Variants in PLEKHA7 observed in about 807,000 individuals in gnomAD.
PLEKHA7 encodes pleckstrin homology domain-containing family A member 7.
In PLEKHA7, 104 loss-of-function variants were observed where a neutral mutation model predicts 170.0. The ratio of observed to expected loss-of-function variants is 0.61; its 90% CI spans 0.52 to 0.72. The LOEUF is 0.72. PLEKHA7 is among the 30% of genes least tolerant of loss of function. The pLI, the probability that PLEKHA7 is intolerant of heterozygous loss-of-function variation, is 0.00. For missense variants in PLEKHA7, 1,615 were observed against 1,671.7 expected (o/e 0.97, Z 0.59); for synonymous variants, 648 against 660.8 (o/e 0.98, Z 0.30).
chr11:16,850,955 A>G, intron 8 of PLEKHA7, among the ~76,000 whole-genome samples: 1 of 152,196 alleles, frequency 6.6e-6, no homozygotes, highest in Admixed American at 6.5e-5. Context: ...TGGCAGTGAC[A>G]GGAAGGAGGG....
At chr11:16,900,232 AC>A (rs1857246132) in intron 3 of PLEKHA7, among the ~76,000 whole-genome samples, 1 of 152,144 alleles carries the variant, frequency 6.6e-6, no homozygotes, top group African/African-American at 2.4e-5. Context: ...CCTCAGCTTT[AC>A]TCTGATTGCA....
intron 24 of PLEKHA7, among the ~76,000 whole-genome samples, chr11:16,784,155 C>T (rs1849247082): frequency 6.6e-6 from 1 of 152,168 alleles, no homozygotes; most frequent in Admixed American, 6.5e-5. Flanking sequence ...GTGATCTGAC[C>T]CCTGATGACC....
intron 3 of PLEKHA7, among the ~76,000 whole-genome samples, chr11:17,004,802 A>T (rs1201850732): frequency 6.6e-6 from 1 of 152,248 alleles, no homozygotes; most frequent in Admixed American, 6.5e-5. Flanking sequence ...AATACTCTGT[A>T]AATGATAAAA....
intron 4 of PLEKHA7, among the ~76,000 whole-genome samples, chr11:16,861,273 C>A (rs1409801755): frequency 6.6e-6 from 1 of 151,846 alleles, no homozygotes; most frequent in African/African-American, 2.4e-5. Context: ...TAACTATAAA[C>A]CTAGCACTTT....
intron 3 of PLEKHA7, among the ~76,000 whole-genome samples, chr11:16,882,173 G>A (rs1272626428): frequency 6.6e-6 from 1 of 152,042 alleles, no homozygotes; most frequent in East Asian, 1.9e-4. Context: ...ATATTTGAAT[G>A]AAAAAAATAC....
intron 24 of PLEKHA7, among the ~76,000 whole-genome samples, chr11:16,785,574 A>C (rs1849340861): frequency 6.6e-6 from 1 of 152,326 alleles, no homozygotes; most frequent in Middle Eastern, 3.4e-3. Context: ...TACGTCTTGA[A>C]GACACTGAGT....
chr11:17,014,083 C>T, intron 2 of PLEKHA7, 37 bp from the exon 3 acceptor site: 1 of 1,581,748 alleles, frequency 6.3e-7, no homozygotes, highest in Non-Finnish European at 8.6e-7. Context: ...CAAACTTGGG[C>T]CGCCGCTGCG....
intron 3 of PLEKHA7, among the ~76,000 whole-genome samples, chr11:16,874,871 C>T (rs2135718846): frequency 6.6e-6 from 1 of 152,280 alleles, no homozygotes; most frequent in Middle Eastern, 3.4e-3. Flanking sequence ...GGGGCAGATC[C>T]AGCAGCCAGT....
At chr11:16,970,296 C>A (rs1428212963) in intron 3 of PLEKHA7, among the ~76,000 whole-genome samples, 3 of 152,178 alleles carry the variant, frequency 2.0e-5, no homozygotes, top group African/African-American at 7.2e-5. Flanking sequence ...GAAGCCTCAG[C>A]TTCCAACCTT....
At chr11:16,985,184 G>A (rs1863652366) in intron 3 of PLEKHA7, among the ~76,000 whole-genome samples, 1 of 152,248 alleles carries the variant, frequency 6.6e-6, no homozygotes, top group South Asian at 2.1e-4. Flanking sequence ...ACCTGGCCCA[G>A]GGTTGGCATG....
At chr11:16,998,414 C>G (rs1319725372) in intron 3 of PLEKHA7, among the ~76,000 whole-genome samples, 1 of 152,206 alleles carries the variant, frequency 6.6e-6, no homozygotes. Context: ...CAAGATTACC[C>G]CACAATTCTT....
At chr11:16,798,688 A>G (rs1251176556) in intron 17 of PLEKHA7, among the ~76,000 whole-genome samples, 1 of 152,232 alleles carries the variant, frequency 6.6e-6, no homozygotes, top group African/African-American at 2.4e-5. Flanking sequence ...CAGTACTTTC[A>G]TTTGCTGTGG....
At chr11:16,884,077 A>G (rs536580866) in intron 3 of PLEKHA7, among the ~76,000 whole-genome samples, 88 of 152,286 alleles carry the variant, frequency 5.8e-4, no homozygotes, top group Non-Finnish European at 1.1e-3. Context: ...TTACATATAT[A>G]TCTTGGACTC....
chr11:16,887,295 A>T (rs1856188442), intron 3 of PLEKHA7, among the ~76,000 whole-genome samples: 1 of 117,930 alleles, frequency 8.5e-6, no homozygotes, highest in Non-Finnish European at 2.0e-5. Context: ...AAAAATATAA[A>T]CCTCAACCTC....
chr11:16,982,076 C>A (rs1863463662), intron 3 of PLEKHA7, among the ~76,000 whole-genome samples: 1 of 152,208 alleles, frequency 6.6e-6, no homozygotes, highest in Non-Finnish European at 1.5e-5. Context: ...CAGAAGGTTC[C>A]CAATGATCTG....
At chr11:16,941,312 C>T (rs1860679863) in intron 3 of PLEKHA7, among the ~76,000 whole-genome samples, 1 of 152,316 alleles carries the variant, frequency 6.6e-6, no homozygotes, top group South Asian at 2.1e-4. Flanking sequence ...AGCTTGGATG[C>T]CCCTAATGAT....
intron 9 of PLEKHA7, among the ~76,000 whole-genome samples, chr11:16,839,201 T>C (rs1343592941): frequency 6.6e-6 from 1 of 152,062 alleles, no homozygotes; most frequent in African/African-American, 2.4e-5. Context: ...ATACTGATAT[T>C]GAGTGATCCT....
chr11:16,913,274 A>G (rs1858386609), intron 3 of PLEKHA7, among the ~76,000 whole-genome samples: 1 of 152,070 alleles, frequency 6.6e-6, no homozygotes, highest in South Asian at 2.1e-4. Context: ...AATCTGATAG[A>G]CCCACAGCAT....
chr11:16,899,271 CG>C (rs1201160984), intron 3 of PLEKHA7, among the ~76,000 whole-genome samples: 1 of 152,062 alleles, frequency 6.6e-6, no homozygotes, highest in Non-Finnish European at 1.5e-5. Flanking sequence ...CTGAGGCAGG[CG>C]GATCACCTGA....
Sources: gnomAD v4.1 joint callset for allele counts (sites outside exome capture counted in the v4.1 genomes callset) on GRCh38, gnomAD v4.1.1 for gene constraint, MANE v1.5 for transcripts, NCBI Gene and HGNC (gene_info 2026-07-23, HGNC 2026-07-21) for gene names.